Variants in ADCK1 observed in about 807,000 individuals in gnomAD.
ADCK1 encodes the protein aarF domain containing kinase 1.
A neutral mutation model predicts 52.3 loss-of-function variants in ADCK1; 41 were observed. That is an observed-to-expected ratio of 0.78 (90% CI 0.61 to 1.02). ADCK1 has a LOEUF of 1.02. Ranked by LOEUF, ADCK1 falls within the 50% of genes least tolerant of loss-of-function variation. The pLI is 0.00. For missense variants in ADCK1, 658 were observed against 679.5 expected (o/e 0.97, Z 0.35); for synonymous variants, 250 against 274.6 (o/e 0.91, Z 0.89).
At chr14:77,906,160 A>G (rs971938209) in intron 6 of ADCK1, among the ~76,000 whole-genome samples, 1 of 152,256 alleles carries the variant, frequency 6.6e-6, no homozygotes, top group African/African-American at 2.4e-5. Context: ...ACACAACAGT[A>G]TTAGCAGAAT....
chr14:77,930,197 G>A (rs184164787), intron 9 of ADCK1, among the ~76,000 whole-genome samples: 28 of 152,284 alleles, frequency 1.8e-4, no homozygotes, highest in African/African-American at 6.7e-4. Context: ...GCCTCTTAAG[G>A]TCTGGCTTTG....
At chr14:77,870,958 T>C (rs1342786779) in intron 4 of ADCK1, among the ~76,000 whole-genome samples, 3 of 152,220 alleles carry the variant, frequency 2.0e-5, no homozygotes, top group Non-Finnish European at 4.4e-5. Context: ...CCCTGTCTCC[T>C]CGTGACCCAG....
chr14:77,916,344 G>C (rs1347061853), intron 7 of ADCK1, among the ~76,000 whole-genome samples: 1 of 152,096 alleles, frequency 6.6e-6, no homozygotes. Flanking sequence ...ATGCCTCTCT[G>C]TGATGTTCCT....
At chr14:77,911,211 G>T (rs188898905) in intron 7 of ADCK1, among the ~76,000 whole-genome samples, 77 of 152,272 alleles carry the variant, frequency 5.1e-4, no homozygotes, top group African/African-American at 1.8e-3. Flanking sequence ...AACTTGCCCC[G>T]TATCACACAG....
At chr14:77,854,911 C>T (rs1285586000) in intron 3 of ADCK1, among the ~76,000 whole-genome samples, 1 of 152,208 alleles carries the variant, frequency 6.6e-6, no homozygotes, top group African/African-American at 2.4e-5. Flanking sequence ...CTCACAACCA[C>T]CTACTTTATT....
At chr14:77,878,331 G>A (rs537720780) in intron 4 of ADCK1, among the ~76,000 whole-genome samples, 1 of 152,360 alleles carries the variant, frequency 6.6e-6, no homozygotes, top group African/African-American at 2.4e-5. Flanking sequence ...CCTCAAGAGA[G>A]GGTTGAGAAT....
chr14:77,930,614 G>A (rs553395446), intron 9 of ADCK1, among the ~76,000 whole-genome samples: 6 of 152,234 alleles, frequency 3.9e-5, no homozygotes, highest in Admixed American at 6.5e-5. Context: ...CTGGGTTCAC[G>A]TCCCATCTCA....
chr14:77,860,966 T>A (rs2082531949), intron 4 of ADCK1, among the ~76,000 whole-genome samples: 1 of 152,084 alleles, frequency 6.6e-6, no homozygotes, highest in Admixed American at 6.5e-5. Context: ...GGCAGGTTAG[T>A]GGCTGTCCCC....
At chr14:77,874,553 G>A (rs934497453) in intron 4 of ADCK1, among the ~76,000 whole-genome samples, 10 of 152,174 alleles carry the variant, frequency 6.6e-5, no homozygotes, top group Non-Finnish European at 8.8e-5. Context: ...TCCCAGGCTG[G>A]GGTGGGGCAG....
chr14:77,828,047 C>T (rs1014703859), intron 3 of ADCK1: 2 of 217,510 alleles, frequency 9.2e-6, no homozygotes, highest in African/African-American at 4.8e-5. Flanking sequence ...CCAGAATGAT[C>T]TCCATCTCCT....
chr14:77,931,796 C>G, intron 10 of ADCK1, 85 bp downstream of exon 10: 1 of 1,419,468 alleles, frequency 7.0e-7, no homozygotes, highest in Non-Finnish European at 9.6e-7. Context: ...CTTTCCCCAC[C>G]AGTCTACAGG....
chr14:77,804,222 G>T (rs1236232937), intron 1 of ADCK1, among the ~76,000 whole-genome samples: 1 of 152,140 alleles, frequency 6.6e-6, no homozygotes, highest in Non-Finnish European at 1.5e-5. Flanking sequence ...AACAGGGCAG[G>T]TGATTCATTA....
At chr14:77,816,236 A>G (rs916258210) in intron 1 of ADCK1, among the ~76,000 whole-genome samples, 14 of 152,058 alleles carry the variant, frequency 9.2e-5, no homozygotes, top group Non-Finnish European at 1.9e-4. Flanking sequence ...ATAAAAAAGG[A>G]CTATTGTGGT....
rs543306248 is a variant in ADCK1 at position 77,929,581 on chromosome 14, T to G, written c.1207-1937T>G. On this transcript the variant is annotated intron_variant, in intron 9 of 10. Transcript: ENST00000238561. ...GGGGCTGAGAGCTCAGAGCTAGCCC[T>G]GGCTGAACTCAATCCAGATTCCCTG... 3.9e-5 allele frequency among the ~76,000 whole-genome samples: 6 copies of G among 152,350 alleles called. No individual in the cohort carries two copies. The South Asian group carries it at 1.2e-3, about 32-fold the overall frequency.
chr14:77,846,835 C>T (rs1030670898), intron 3 of ADCK1, among the ~76,000 whole-genome samples: 4 of 152,176 alleles, frequency 2.6e-5, no homozygotes, highest in African/African-American at 9.7e-5. Context: ...TTCTGTGGAC[C>T]CGAAGCGGAG....
rs1011146126 is a variant in ADCK1 at position 77,925,746 on chromosome 14, C to T, written c.1009-18C>T. 10 of 1,613,592 alleles carry T rather than the reference C, an allele frequency of 6.2e-6. No homozygotes were observed. Among genetic ancestry groups the T allele is most frequent in the African/African-American group, 1.3e-5 (1 of 75,042 alleles). On this transcript the variant is annotated intron_variant, in intron 8 of 10. Coordinates refer to ENST00000238561, the MANE Select transcript of ADCK1 (RefSeq NM_020421.4). ...GGGAGACGAGGCTTAGGTCCCACCG[C>T]TGCCGCCTCCACCCTAGATGCTCAC...
At chr14:77,819,934 C>T (rs142856518) in intron 2 of ADCK1, among the ~76,000 whole-genome samples, 3,352 of 152,326 alleles carry the variant, frequency 0.022, 61 homozygotes, top group Admixed American at 0.047. Context: ...CCCTGGCTCA[C>T]AGGGGAGGGC....
Position 77,931,543 on chromosome 14 carries a change from C to T in ADCK1, c.1232C>T (p.Ala411Val). 6.2e-7 allele frequency: 1 copy of T among 1,613,860 alleles called. No homozygotes were observed. The highest frequency in any genetic ancestry group is 8.5e-7 in the Non-Finnish European group (1 of 1,179,860). Residue 411 changes from alanine to valine, a missense_variant, in exon 10 of 11, where the codon GCC becomes GTC. Ala to Val is a moderately conservative substitution (Grantham distance 64). Coordinates refer to ENST00000238561, the MANE Select transcript of ADCK1 (RefSeq NM_020421.4). ...GACTTAGAGATTCGCAACAACGCGG[C>T]CAACTACCTCCCCCAGATCAGCCAT... ...TEDLEIRNNA[A>V]NYLPQISHLL...
At chr14:77,930,399 A>G (rs1457128332) in intron 9 of ADCK1, among the ~76,000 whole-genome samples, 2 of 152,076 alleles carry the variant, frequency 1.3e-5, no homozygotes, top group African/African-American at 2.4e-5. Context: ...CTTGGCACTG[A>G]TTGCTTCCTC....
Sources: gnomAD v4.1 joint callset for allele counts (sites outside exome capture counted in the v4.1 genomes callset) on GRCh38, gnomAD v4.1.1 for gene constraint, MANE v1.5 for transcripts, NCBI Gene and HGNC (gene_info 2026-07-23, HGNC 2026-07-21) for gene names.